METTL15: variants seen among roughly 807,000 people sequenced by gnomAD.
The protein encoded by METTL15 is 12S rRNA N(4)-cytidine methyltransferase METTL15.
A neutral mutation model predicts 38.3 loss-of-function variants in METTL15; 34 were observed. That is an observed-to-expected ratio of 0.89 (90% CI 0.68 to 1.18). The LOEUF (loss-of-function observed/expected upper bound fraction) is 1.18, where lower values mean the gene tolerates loss of function less well. Ranked by LOEUF, METTL15 falls within the 50% of genes most tolerant of loss-of-function variation. The probability of loss-of-function intolerance (pLI) is 0.00; values close to 1 mark genes in which losing one functional copy is unlikely to be tolerated. For synonymous variants in METTL15, 162 were observed against 170.9 expected, an observed-to-expected ratio of 0.95 and a Z score of 0.41; for missense variants, 438 against 498.4, an observed-to-expected ratio of 0.88 and a Z score of 1.15.
chr11:28,413,200 C>A (rs1246456328), intron 5 of METTL15, among the ~76,000 whole-genome samples: 1 of 151,888 alleles, frequency 6.6e-6, no homozygotes, highest in Non-Finnish European at 1.5e-5. Context: ...GCTCAGTTAG[C>A]CATCATATCT....
intron 3 of METTL15, among the ~76,000 whole-genome samples, chr11:28,135,764 A>G (rs1399221744): frequency 6.6e-6 from 1 of 152,242 alleles, no homozygotes; most frequent in Non-Finnish European, 1.5e-5. Context: ...AATATCCTCC[A>G]AATTTTGTTC....
At chr11:28,325,494 A>G (rs1849606141) in intron 6 of METTL15, among the ~76,000 whole-genome samples, 1 of 152,242 alleles carries the variant, frequency 6.6e-6, no homozygotes. Flanking sequence ...TACACACCCG[A>G]TGATGTGAAT....
intron 3 of METTL15, among the ~76,000 whole-genome samples, chr11:28,206,247 C>T (rs930607811): frequency 2.6e-5 from 4 of 150,946 alleles, no homozygotes; most frequent in African/African-American, 4.9e-5. Context: ...TTAGGTCTAA[C>T]GTTTAAATCT....
chr11:28,268,070 G>A (rs1241907033), intron 4 of METTL15, among the ~76,000 whole-genome samples: 10 of 150,114 alleles, frequency 6.7e-5, no homozygotes, highest in African/African-American at 2.2e-4. Context: ...AGTGGCGGGC[G>A]CCTGTAGTCC....
intron 3 of METTL15, among the ~76,000 whole-genome samples, chr11:28,340,940 G>A (rs1169114912): frequency 6.6e-6 from 1 of 152,128 alleles, no homozygotes; most frequent in African/African-American, 2.4e-5. Context: ...ATCAATAATA[G>A]ACTGGATAAA....
chr11:28,213,703 C>T (rs1231896468), intron 4 of METTL15, among the ~76,000 whole-genome samples: 13 of 149,404 alleles, frequency 8.7e-5, no homozygotes, highest in Admixed American at 2.7e-4. Context: ...TCACCCAGGC[C>T]GGACTGCAGT....
downstream of METTL15, among the ~76,000 whole-genome samples, chr11:28,336,517 G>T (rs934937562): frequency 7.9e-5 from 12 of 152,210 alleles, no homozygotes; most frequent in African/African-American, 2.4e-4. Flanking sequence ...ACCAATAAAA[G>T]TGTGTGTTGC....
At position 28,168,217 on chromosome 11, in the gene METTL15, A is replaced by G. The variant is rs541452309; in HGVS notation, c.271-42845A>G. Reference sequence around the variant, plus strand: ...CATGGATGTTTTTCTTTTAGAAAAAATAAGACAATGTCACCCTCATCCTCA... The same window carrying G: ...CATGGATGTTTTTCTTTTAGAAAAAGTAAGACAATGTCACCCTCATCCTCA... On this transcript the variant is annotated intron_variant, in intron 3 of 6. Coordinates refer to ENST00000407364, the MANE Select transcript of METTL15 (RefSeq NM_001113528.2). Among the ~76,000 whole-genome samples the G allele has an allele frequency of 1.2e-3, 175 of 152,124 alleles. 1 individual carries two copies. The Middle Eastern group carries it at 0.017, about 15-fold the overall frequency.
chr11:28,177,766 G>A (rs1483542142), intron 3 of METTL15, among the ~76,000 whole-genome samples: 3 of 151,906 alleles, frequency 2.0e-5, no homozygotes, highest in Non-Finnish European at 4.4e-5. Context: ...AGATCTGCTA[G>A]AGTTTTTTTG....
chr11:28,470,144 T>C (rs1187584943), intron 6 of METTL15, among the ~76,000 whole-genome samples: 2 of 152,280 alleles, frequency 1.3e-5, no homozygotes, highest in Non-Finnish European at 1.5e-5. Flanking sequence ...AAAAACAATC[T>C]TTGTATTGTT....
At chr11:28,339,994 A>G (rs530162792) in intron 3 of METTL15, among the ~76,000 whole-genome samples, 5 of 152,162 alleles carry the variant, frequency 3.3e-5, no homozygotes, top group Non-Finnish European at 7.4e-5. Flanking sequence ...AAGAGTAAAC[A>G]ATCATGAGAA....
intron 4 of METTL15, among the ~76,000 whole-genome samples, chr11:28,218,831 C>T (rs552500651): frequency 1.3e-5 from 2 of 152,094 alleles, no homozygotes; most frequent in African/African-American, 2.4e-5. Flanking sequence ...TGGTTTTTGT[C>T]GTTGGTTCTG....
chr11:28,389,415 T>C (rs1485282591), intron 5 of METTL15, among the ~76,000 whole-genome samples: 4 of 122,760 alleles, frequency 3.3e-5, no homozygotes, highest in African/African-American at 9.5e-5. Context: ...CAGAGTGTGA[T>C]GTTCCCCTTC....
chr11:28,253,862 T>G (rs1330496503), intron 4 of METTL15, among the ~76,000 whole-genome samples: 1 of 152,150 alleles, frequency 6.6e-6, no homozygotes, highest in African/African-American at 2.4e-5. Flanking sequence ...AAGTACCACA[T>G]TTTCTTTATC....
intron 6 of METTL15, among the ~76,000 whole-genome samples, chr11:28,440,397 C>G (rs1243963578): frequency 6.6e-6 from 1 of 151,818 alleles, no homozygotes; most frequent in East Asian, 1.9e-4. Flanking sequence ...AGAAAAAAAT[C>G]CTGAGTGGCA....
At chr11:28,156,964 A>T (rs975060896) in intron 3 of METTL15, among the ~76,000 whole-genome samples, 5 of 152,222 alleles carry the variant, frequency 3.3e-5, no homozygotes, top group Non-Finnish European at 5.9e-5. Context: ...AATCTGTGAT[A>T]GATATAAGAT....
chr11:28,355,581 A>T (rs779305729), intron 4 of METTL15, among the ~76,000 whole-genome samples: 20 of 152,248 alleles, frequency 1.3e-4, no homozygotes, highest in Non-Finnish European at 2.2e-4. Context: ...ACAATAAAAT[A>T]TACAAATTAA....
intron 6 of METTL15, among the ~76,000 whole-genome samples, chr11:28,304,608 C>A (rs1365557708): frequency 1.3e-5 from 2 of 152,018 alleles, no homozygotes; most frequent in African/African-American, 4.8e-5. Context: ...CCCAGCTACT[C>A]AGGAGGCTGA....
intron 4 of METTL15, among the ~76,000 whole-genome samples, chr11:28,358,276 C>A (rs1044388860): frequency 6.6e-6 from 1 of 152,152 alleles, no homozygotes; most frequent in African/African-American, 2.4e-5. Flanking sequence ...TGATTTTACC[C>A]CTGTGGTACC....
Sources: allele counts gnomAD v4.1 joint callset (sites outside exome capture counted in the v4.1 genomes callset), GRCh38; gene constraint gnomAD v4.1.1; transcripts MANE v1.5; gene names NCBI Gene and HGNC (gene_info 2026-07-23, HGNC 2026-07-21).